Variants in MAGI2 observed in about 807,000 individuals in gnomAD.
The protein encoded by MAGI2 is membrane-associated guanylate kinase, WW and PDZ domain-containing protein 2.
A neutral mutation model predicts 133.3 loss-of-function variants in MAGI2; 35 were observed. The observed-to-expected ratio is 0.26, with a 90% CI of 0.20 to 0.35. The LOEUF (loss-of-function observed/expected upper bound fraction) is 0.35. MAGI2 is among the 10% of genes least tolerant of loss of function. The pLI, the probability that MAGI2 is intolerant of heterozygous loss-of-function variation, is 1.00. For synonymous variants in MAGI2, 729 were observed against 710.6 expected (o/e 1.03, Z -0.41); for missense variants, 1,636 against 1,863.4 (o/e 0.88, Z 2.25).
intron 3 of MAGI2, among the ~76,000 whole-genome samples, chr7:78,556,681 T>C (rs925570126): frequency 2.2e-4 from 34 of 152,166 alleles, no homozygotes; most frequent in Admixed American, 5.9e-4. Flanking sequence ...CTAAGTATCT[T>C]CACATATTCC....
intron 4 of MAGI2, among the ~76,000 whole-genome samples, chr7:78,510,027 T>C (rs546060154): frequency 3.7e-4 from 57 of 152,352 alleles, no homozygotes; most frequent in African/African-American, 1.3e-3. Context: ...CTCCTTGTCT[T>C]CATATTATTT....
At chr7:78,289,641 A>T (rs1584738347) in intron 9 of MAGI2, among the ~76,000 whole-genome samples, 1 of 152,180 alleles carries the variant, frequency 6.6e-6, no homozygotes, top group Admixed American at 6.5e-5. Flanking sequence ...CACAACCCCA[A>T]CACACATAAT....
At chr7:78,433,762 G>C (rs978845499) in intron 6 of MAGI2, among the ~76,000 whole-genome samples, 25 of 152,096 alleles carry the variant, frequency 1.6e-4, no homozygotes, top group African/African-American at 5.6e-4. Flanking sequence ...TAAGGGGAGA[G>C]AAAAAATTTT....
chr7:78,967,003 GGTAC>G (rs1232420706), intron 2 of MAGI2, among the ~76,000 whole-genome samples: 4 of 151,872 alleles, frequency 2.6e-5, no homozygotes, highest in African/African-American at 4.8e-5. Context: ...GGAGTGCAGT[GGTAC>G]GATCATTGCA....
At chr7:78,472,855 G>A (rs117711924) in intron 6 of MAGI2, among the ~76,000 whole-genome samples, 1,691 of 152,228 alleles carry the variant, frequency 0.011, 14 homozygotes, top group Non-Finnish European at 0.019. Context: ...AAGCTGGTGA[G>A]CATTATAAAT....
chr7:78,978,759 C>T (rs926488298), intron 2 of MAGI2, among the ~76,000 whole-genome samples: 6 of 151,668 alleles, frequency 4.0e-5, no homozygotes, highest in Non-Finnish European at 7.4e-5. Context: ...GGCGTGGGGT[C>T]GGGGAGCAAT....
chr7:78,954,626 C>T (rs1802143452), intron 2 of MAGI2, among the ~76,000 whole-genome samples: 1 of 152,090 alleles, frequency 6.6e-6, no homozygotes, highest in Non-Finnish European at 1.5e-5. Context: ...TAGACTGTAC[C>T]TACACTTAAT....
intron 3 of MAGI2, among the ~76,000 whole-genome samples, chr7:78,573,074 T>TATATAC (rs1801719725): frequency 2.7e-5 from 2 of 75,470 alleles, no homozygotes; most frequent in Non-Finnish European, 4.7e-5. Flanking sequence ...TATATATATA[T>TATATAC]ATACACACAC....
intron 21 of MAGI2, among the ~76,000 whole-genome samples, chr7:78,071,571 G>C (rs1563082967): frequency 6.6e-6 from 1 of 152,124 alleles, no homozygotes; most frequent in Non-Finnish European, 1.5e-5. Context: ...CCTGTCTCTG[G>C]CTCCATGAAG....
At chr7:79,348,538 T>C (rs1057500768) in intron 1 of MAGI2, among the ~76,000 whole-genome samples, 4 of 151,948 alleles carry the variant, frequency 2.6e-5, no homozygotes, top group African/African-American at 9.7e-5. Flanking sequence ...AATTTCAGTG[T>C]CCCCAGTAAC....
intron 2 of MAGI2, among the ~76,000 whole-genome samples, chr7:78,834,519 T>G (rs990266376): frequency 2.6e-5 from 4 of 152,254 alleles, no homozygotes; most frequent in African/African-American, 9.6e-5. Flanking sequence ...TATCAGTTTT[T>G]CATTCCTTTT....
chr7:79,197,192 C>G (rs898224657), intron 1 of MAGI2, among the ~76,000 whole-genome samples: 1 of 151,892 alleles, frequency 6.6e-6, no homozygotes, highest in Non-Finnish European at 1.5e-5. Context: ...TTGTCATCTG[C>G]TAGGACAGCC....
At chr7:78,578,477 GAAGT>G (rs1406102502) in intron 3 of MAGI2, among the ~76,000 whole-genome samples, 5 of 151,950 alleles carry the variant, frequency 3.3e-5, no homozygotes, top group Admixed American at 3.3e-4. Context: ...AAAAAACATA[GAAGT>G]AAAAATAAGA....
At chr7:78,278,698 T>C (rs1584687344) in intron 9 of MAGI2, among the ~76,000 whole-genome samples, 1 of 152,272 alleles carries the variant, frequency 6.6e-6, no homozygotes, top group South Asian at 2.1e-4. Context: ...TCCAATCAGT[T>C]GAAAGGCCTT....
chr7:79,312,731 C>A (rs987171457), intron 1 of MAGI2, among the ~76,000 whole-genome samples: 6 of 152,130 alleles, frequency 3.9e-5, no homozygotes, highest in African/African-American at 1.4e-4. Context: ...AAAAATAGTT[C>A]TTGAAAGATG....
chr7:78,448,588 G>A (rs1788392993), intron 6 of MAGI2, among the ~76,000 whole-genome samples: 2 of 152,022 alleles, frequency 1.3e-5, no homozygotes, highest in African/African-American at 4.8e-5. Flanking sequence ...TAGGTCATGA[G>A]ATATTTGGAC....
chr7:78,218,585 A>G lies in MAGI2; in HGVS notation c.2048-17392T>C, dbSNP rs193226970. 6.1e-3 allele frequency among the ~76,000 whole-genome samples: 924 copies of G among 152,330 alleles called. 7 individuals are homozygous for G. Among genetic ancestry groups the G allele is most frequent in the African/African-American group, 0.021 (862 of 41,586 alleles). On this transcript the variant is annotated intron_variant, in intron 10 of 21. Coordinates refer to ENST00000354212, the MANE Select transcript of MAGI2 (RefSeq NM_012301.4). ...ACAGCTTATTTTTGAACAATTTCCC[A>G]TCTTCAAGTCACTTAACAAAGAAGC...
chr7:78,361,914 A>G (rs62461495), intron 7 of MAGI2, among the ~76,000 whole-genome samples: 41,356 of 152,052 alleles, frequency 0.27, 6,268 homozygotes, highest in East Asian at 0.57. Context: ...AGAAACAGGG[A>G]GATGAAGCAC....
intron 10 of MAGI2, among the ~76,000 whole-genome samples, chr7:78,206,738 A>G (rs1236837888): frequency 6.6e-6 from 1 of 152,220 alleles, no homozygotes; most frequent in Admixed American, 6.5e-5. Context: ...GCTAGAACAT[A>G]TGATTCTACT....
Sources: allele counts gnomAD v4.1 joint callset (sites outside exome capture counted in the v4.1 genomes callset), GRCh38; gene constraint gnomAD v4.1.1; transcripts MANE v1.5; gene names NCBI Gene and HGNC (gene_info 2026-07-23, HGNC 2026-07-21).